Variants in TENM3 observed in about 807,000 individuals in gnomAD.
TENM3 encodes teneurin-3.
A neutral mutation model predicts 255.1 loss-of-function variants in TENM3; 63 were observed. The observed-to-expected ratio is 0.25, with a 90% CI of 0.20 to 0.30. The LOEUF (loss-of-function observed/expected upper bound fraction) is 0.30. Ranked by LOEUF, TENM3 falls within the 10% of genes least tolerant of loss-of-function variation. TENM3 has a pLI of 1.00. For missense variants in TENM3, 2,929 were observed against 3,461.1 expected (o/e 0.85, Z 3.86); for synonymous variants, 1,306 against 1,322.3 (o/e 0.99, Z 0.27).
chr4:182,603,534 C>T (rs2152417403), intron 4 of TENM3, among the ~76,000 whole-genome samples: 1 of 152,122 alleles, frequency 6.6e-6, no homozygotes, highest in Admixed American at 6.5e-5. Context: ...GAAAATCTCA[C>T]ACTGTACCGA....
chr4:181,689,523 G>A, the TENM3 span, among the ~76,000 whole-genome samples: 9 of 152,220 alleles, frequency 5.9e-5, no homozygotes, highest in Middle Eastern at 3.4e-3. Flanking sequence ...CCCTATGTCC[G>A]GGGTACAATT....
chr4:182,499,493 A>G (rs907191015), intron 3 of TENM3, among the ~76,000 whole-genome samples: 7 of 152,106 alleles, frequency 4.6e-5, no homozygotes, highest in African/African-American at 1.4e-4. Context: ...ACCCAACTCT[A>G]TTAGAGCCCA....
chr4:182,217,561 G>C (rs951761965), intron 1 of TENM3, among the ~76,000 whole-genome samples: 22 of 152,008 alleles, frequency 1.4e-4, no homozygotes, highest in African/African-American at 2.7e-4. Flanking sequence ...GTACTTTACC[G>C]GTATTAACTC....
At chr4:182,183,923 A>G (rs1312731995) in intron 1 of TENM3, among the ~76,000 whole-genome samples, 1 of 152,174 alleles carries the variant, frequency 6.6e-6, no homozygotes, top group Admixed American at 6.5e-5. Flanking sequence ...AATATATTCT[A>G]TATTAAAACT....
At chr4:182,769,967 G>C (rs1178921442) in intron 22 of TENM3, among the ~76,000 whole-genome samples, 1 of 150,952 alleles carries the variant, frequency 6.6e-6, no homozygotes, top group South Asian at 2.1e-4. Context: ...TTACCTGGGC[G>C]TGGTGGCGGG....
intron 3 of TENM3, among the ~76,000 whole-genome samples, chr4:182,583,799 T>A (rs956856272): frequency 2.0e-5 from 3 of 152,206 alleles, no homozygotes; most frequent in Non-Finnish European, 4.4e-5. Flanking sequence ...TATCATTTAA[T>A]TGTTAGCATG....
At chr4:182,666,040 A>G (rs760866355) in intron 6 of TENM3, among the ~76,000 whole-genome samples, 6 of 152,194 alleles carry the variant, frequency 3.9e-5, no homozygotes, top group Non-Finnish European at 8.8e-5. Flanking sequence ...TTGAGGGTTC[A>G]CACTTCAATG....
chr4:182,734,394 G>C (rs1761008586), intron 16 of TENM3, among the ~76,000 whole-genome samples: 1 of 152,198 alleles, frequency 6.6e-6, no homozygotes, highest in African/African-American at 2.4e-5. Flanking sequence ...CAAGACCCCA[G>C]TGGAGTTTTT....
chr4:181,768,562 A>G, the TENM3 span, among the ~76,000 whole-genome samples: 1 of 152,228 alleles, frequency 6.6e-6, no homozygotes. Context: ...GATAAATTCA[A>G]TGTTCCTTTA....
chr4:182,297,207 A>G (rs1580067152), intron 1 of TENM3, among the ~76,000 whole-genome samples: 1 of 152,150 alleles, frequency 6.6e-6, no homozygotes, highest in East Asian at 1.9e-4. Flanking sequence ...AACTGGGGCC[A>G]CAGCTGAAAG....
chr4:181,661,029 A>T, the TENM3 span, among the ~76,000 whole-genome samples: 1 of 152,190 alleles, frequency 6.6e-6, no homozygotes, highest in African/African-American at 2.4e-5. Context: ...ATAAGAAATC[A>T]TCTAATAATT....
At position 182,796,718 on chromosome 4, in the gene TENM3, C is replaced by A; in HGVS notation, c.7295C>A (p.Thr2432Lys). 6.2e-7 allele frequency: 1 copy of A among 1,612,286 alleles called. No homozygotes were observed. The highest frequency in any genetic ancestry group is 2.2e-5 in the East Asian group (1 of 44,862). Residue 2432 changes from threonine (T) to lysine (K), a missense_variant, in exon 27 of 28, where the codon ACA (threonine) becomes AAA (lysine). Transcript: ENST00000511685. ...TTCCCTGTTCCCAAATTTGATTTAACAGAACCTTCTTACGAACTTGTGAAG... is the reference window on the plus strand; with the variant it reads ...TTCCCTGTTCCCAAATTTGATTTAAAAGAACCTTCTTACGAACTTGTGAAG... ...PGFPVPKFDLTEPSYELVKSQ... is the reference protein window; with the variant it reads ...PGFPVPKFDLKEPSYELVKSQ...
At chr4:181,685,175 G>A in the TENM3 span, among the ~76,000 whole-genome samples, 1 of 152,046 alleles carries the variant, frequency 6.6e-6, no homozygotes, top group African/African-American at 2.4e-5. Context: ...ACTCTTCAAT[G>A]TTTGGTAGAA....
chr4:181,991,417 G>A, the TENM3 span, among the ~76,000 whole-genome samples: 1 of 152,232 alleles, frequency 6.6e-6, no homozygotes, highest in Admixed American at 6.6e-5. Flanking sequence ...TTATGTAAAA[G>A]GTTTCCGCCT....
At chr4:181,463,935 CATA>C in the TENM3 span, among the ~76,000 whole-genome samples, 6 of 152,112 alleles carry the variant, frequency 3.9e-5, no homozygotes, top group Non-Finnish European at 7.4e-5. Flanking sequence ...TTTGACTTAG[CATA>C]ATGATTCCAA....
the TENM3 span, chr4:181,522,601 A>T: frequency 4.3e-6 from 2 of 469,444 alleles, no homozygotes; most frequent in South Asian, 4.2e-5. Flanking sequence ...AGATAGACAA[A>T]TCCAGCATCT....
At chr4:181,605,253 G>A in the TENM3 span, among the ~76,000 whole-genome samples, 74 of 151,766 alleles carry the variant, frequency 4.9e-4, no homozygotes, top group Admixed American at 9.8e-4. Flanking sequence ...TGACCATCCT[G>A]GCTAACATGG....
intron 1 of TENM3, among the ~76,000 whole-genome samples, chr4:182,256,561 G>A (rs1050004941): frequency 3.9e-5 from 6 of 152,094 alleles, no homozygotes; most frequent in South Asian, 2.1e-4. Context: ...TATATAGTCC[G>A]TGAAGAATCT....
At chr4:181,511,758 G>C in the TENM3 span, among the ~76,000 whole-genome samples, 1 of 152,190 alleles carries the variant, frequency 6.6e-6, no homozygotes, top group South Asian at 2.1e-4. Flanking sequence ...TAGGAGAAGA[G>C]GGTAGTCGGG....
Sources: gnomAD v4.1 joint callset for allele counts (sites outside exome capture counted in the v4.1 genomes callset) on GRCh38, gnomAD v4.1.1 for gene constraint, MANE v1.5 for transcripts, NCBI Gene and HGNC (gene_info 2026-07-23, HGNC 2026-07-21) for gene names.